The following MYT1L variants were observed in gnomAD, a reference collection of about 807,000 sequenced individuals.
MYT1L encodes the protein myelin transcription factor 1-like protein.
Under a neutral mutation model 126.7 loss-of-function variants are expected in MYT1L, and 12 were observed. The ratio of observed to expected loss-of-function variants is 0.09; its 90% CI spans 0.06 to 0.15. The LOEUF is 0.15. Among genes scored for constraint, MYT1L ranks in the 10% least tolerant of loss-of-function variants. MYT1L has a pLI of 1.00. For missense variants in MYT1L, 979 were observed against 1,585.2 expected, an observed-to-expected ratio of 0.62 and a Z score of 6.49; for synonymous variants, 541 against 604.2, an observed-to-expected ratio of 0.90 and a Z score of 1.53.
At chr2:2,061,262 T>C (rs1464810028) in intron 3 of MYT1L, among the ~76,000 whole-genome samples, 1 of 152,138 alleles carries the variant, frequency 6.6e-6, no homozygotes, top group Non-Finnish European at 1.5e-5. Flanking sequence ...CCCTGCAGCC[T>C]GGCTGTGGGG....
chr2:1,972,004 G>C (rs1343544797), intron 8 of MYT1L, among the ~76,000 whole-genome samples: 2 of 152,162 alleles, frequency 1.3e-5, no homozygotes, highest in Admixed American at 1.3e-4. Flanking sequence ...TATAATATCA[G>C]TGATGAATAG....
intron 18 of MYT1L, among the ~76,000 whole-genome samples, chr2:1,865,153 C>T (rs891934979): frequency 6.6e-6 from 1 of 152,158 alleles, no homozygotes; most frequent in Non-Finnish European, 1.5e-5. Context: ...CCCTGGGCGT[C>T]TGTGTGGAGA....
At chr2:1,862,063 C>T (rs73184902) in intron 18 of MYT1L, among the ~76,000 whole-genome samples, 16,674 of 142,772 alleles carry the variant, frequency 0.12, 1,635 homozygotes, top group African/African-American at 0.24. Context: ...CCAAATTCTG[C>T]CTCGTGCCCC....
intron 1 of MYT1L, among the ~76,000 whole-genome samples, chr2:2,291,660 G>A (rs2095601885): frequency 6.6e-6 from 1 of 152,332 alleles, no homozygotes; most frequent in Middle Eastern, 3.4e-3. Flanking sequence ...TGGCCTGTGT[G>A]GAAAGTCGGG....
In MYT1L at chr2:2,155,125, CTCAATCAATCAA is replaced by C. The variant is rs150086146; in HGVS notation, c.-304+17735_-304+17746del. Among the ~76,000 whole-genome samples the C allele has an allele frequency of 7.9e-5, 12 of 152,016 alleles. 1 individual carries two copies. Among genetic ancestry groups the C allele is most frequent in the Admixed American group, 7.9e-4 (12 of 15,256 alleles). ...CTGGGCAACAAGAGTGAAACTCCAT[CTCAATCAATCAA>C]TCAATCAATCAATCAATGCCAGAGT... On this transcript the variant is annotated intron_variant, in intron 3 of 24. Coordinates refer to ENST00000647738, the MANE Select transcript of MYT1L (RefSeq NM_001303052.2).
chr2:2,113,312 A>G (rs1263414330), intron 3 of MYT1L, among the ~76,000 whole-genome samples: 1 of 152,198 alleles, frequency 6.6e-6, no homozygotes, highest in Non-Finnish European at 1.5e-5. Context: ...AAACCTGCCC[A>G]CTAAGCCTGC....
intron 2 of MYT1L, among the ~76,000 whole-genome samples, chr2:2,217,537 G>T (rs1425937697): frequency 6.6e-6 from 1 of 151,742 alleles, no homozygotes; most frequent in African/African-American, 2.4e-5. Context: ...ACAAAAATTA[G>T]CCAGGCATGC....
intron 3 of MYT1L, among the ~76,000 whole-genome samples, chr2:2,055,951 A>G (rs868692077): frequency 2.8e-4 from 42 of 152,212 alleles, no homozygotes; most frequent in African/African-American, 9.4e-4. Context: ...AAGGAGGAAG[A>G]CCTGGAGACC....
At chr2:1,941,021 G>T (rs1024667154) in intron 9 of MYT1L, among the ~76,000 whole-genome samples, 1 of 152,158 alleles carries the variant, frequency 6.6e-6, no homozygotes, top group Admixed American at 6.5e-5. Context: ...GCTTTCCAGC[G>T]TTTAAAAACA....
At chr2:2,266,817 T>C (rs1024998259) in intron 2 of MYT1L, among the ~76,000 whole-genome samples, 18 of 152,338 alleles carry the variant, frequency 1.2e-4, no homozygotes, top group African/African-American at 4.1e-4. Flanking sequence ...CCCCTTTTGC[T>C]TGCCTCTCCT....
rs371611464 is a variant in MYT1L, at chr2:1,922,435, G to T, written c.1334C>A (p.Ala445Glu). 2.5e-6 allele frequency: 4 copies of T among 1,613,872 alleles called. No homozygotes were observed. The highest frequency in any genetic ancestry group is 3.4e-6 in the Non-Finnish European group (4 of 1,179,884). The change falls in exon 10 of 25, where the codon GCA (alanine) becomes GAA (glutamate). Residue 445 changes from alanine to glutamate, a missense_variant. Around this residue, in one of 12 missense-constraint regions of MYT1L, gnomAD observed 67 missense variants for 80.3 expected, o/e 0.83. Transcript: ENST00000647738. This position sits in a 1 kb window ranked among gnomAD's most constrained non-coding sequence, Gnocchi z 7.4. The stretch of plus-strand genomic sequence containing the variant: ...GGCCATCTTCTCCCTCATGGCCTTT[G>T]CTCTTTCCGTTTCCAAAGCGATGGC... ...EKAIALETER[A>E]KAMREKMAME... is the part of the protein sequence containing the mutation.
chr2:2,253,414 T>A (rs2094711520), intron 2 of MYT1L, among the ~76,000 whole-genome samples: 1 of 152,208 alleles, frequency 6.6e-6, no homozygotes, highest in Non-Finnish European at 1.5e-5. Context: ...ACACAGAGCA[T>A]TGCTCAGCGG....
At chr2:1,888,756 C>T (rs768388541) in intron 16 of MYT1L, among the ~76,000 whole-genome samples, 1 of 152,204 alleles carries the variant, frequency 6.6e-6, no homozygotes, top group Non-Finnish European at 1.5e-5. Flanking sequence ...GGTGATGGTA[C>T]TAAAATAGTT....
Position 2,167,106 on chromosome 2 carries a change from G to T in MYT1L, c.-304+5766C>A, listed in dbSNP as rs183630158. On this transcript the variant is annotated intron_variant, in intron 3 of 24. Transcript: ENST00000647738. ...ATGAATAATAATGAGGGTAACCAGG[G>T]TTTAAAGGGCTGGTGCTTCTTGCCA... is the stretch of plus-strand genomic sequence containing the variant. Among the ~76,000 whole-genome samples, 61 of 152,256 alleles carry T rather than the reference G, an allele frequency of 4.0e-4. No homozygotes were observed. In the East Asian group the frequency reaches 0.012, roughly 29 times the overall value.
chr2:2,292,139 A>G (rs2149467649), intron 1 of MYT1L, among the ~76,000 whole-genome samples: 1 of 152,326 alleles, frequency 6.6e-6, no homozygotes, highest in Admixed American at 6.5e-5. Flanking sequence ...CGAGCAGGGC[A>G]GGTGAAGGCT....
At chr2:2,233,073 T>C (rs1572689528) in intron 2 of MYT1L, among the ~76,000 whole-genome samples, 2 of 152,180 alleles carry the variant, frequency 1.3e-5, no homozygotes, top group South Asian at 2.1e-4. Flanking sequence ...CAACATCACA[T>C]AGGCATTCCC....
At chr2:2,171,608 T>C (rs1230982340) in intron 3 of MYT1L, among the ~76,000 whole-genome samples, 1 of 151,542 alleles carries the variant, frequency 6.6e-6, no homozygotes, top group Non-Finnish European at 1.5e-5. Context: ...CTTTTGTTTT[T>C]TTCTTTTTGT....
chr2:1,849,465 C>G (rs1218675000), intron 19 of MYT1L, among the ~76,000 whole-genome samples: 1 of 152,208 alleles, frequency 6.6e-6, no homozygotes, highest in Non-Finnish European at 1.5e-5. Context: ...GAAGCCACAT[C>G]AATGTCATAA....
rs60405946 is a variant in MYT1L, at chr2:2,295,565, CAGAGAG to C, written c.-520-11068_-520-11063del. Among the ~76,000 whole-genome samples, 294 of 33,846 alleles carry C rather than the reference CAGAGAG, an allele frequency of 8.7e-3. 3 individuals are homozygous for C. The highest frequency in any genetic ancestry group is 0.02 in the Middle Eastern group (1 of 50). 22.2% of individuals were successfully genotyped at this position (33,846 alleles called of 152,430 possible). ...AGAGAGAGAGAGAGAGACAGACAGA[CAGAGAG>C]AGAGAGAGAGAGACAGACAGACAGA... On this transcript the variant is annotated intron_variant, in intron 1 of 24. Transcript: ENST00000647738.
Sources: allele counts gnomAD v4.1 joint callset (sites outside exome capture counted in the v4.1 genomes callset), GRCh38; gene constraint gnomAD v4.1.1; regional missense constraint gnomAD v4.1.1; non-coding constraint Gnocchi (gnomAD v3.1); transcripts MANE v1.5; gene names NCBI Gene and HGNC (gene_info 2026-07-23, HGNC 2026-07-21).